The following ABHD2 variants were observed in gnomAD, a reference collection of about 807,000 sequenced individuals.
ABHD2 encodes monoacylglycerol lipase ABHD2.
Under a neutral mutation model 48.1 loss-of-function variants are expected in ABHD2, and 20 were observed. The observed-to-expected ratio is 0.42, with a 90% confidence interval of 0.29 to 0.60. The LOEUF is 0.60. Ranked by LOEUF, ABHD2 falls within the 20% of genes least tolerant of loss-of-function variation. The pLI is 0.24. For missense variants in ABHD2, 405 were observed against 550.9 expected (o/e 0.74, Z 2.65); for synonymous variants, 209 against 214.2 (o/e 0.98, Z 0.21).
chr15:89,108,342 T>C (rs1372842352), intron 1 of ABHD2, among the ~76,000 whole-genome samples: 3 of 152,214 alleles, frequency 2.0e-5, no homozygotes, highest in Non-Finnish European at 4.4e-5. Context: ...GGCTCCAGTC[T>C]CCACTTCCAT....
chr15:89,190,963 ACTCTACCAATGC>A, intron 8 of ABHD2, 105 bp from the exon 9 acceptor site: 2 of 923,154 alleles, frequency 2.2e-6, no homozygotes, highest in Non-Finnish European at 3.3e-6. Flanking sequence ...GCCTCTGTCT[ACTCTACCAATGC>A]CACAAGTTAG....
Position 89,142,385 on chromosome 15 carries a change from A to T in ABHD2, c.195-9292A>T, listed in dbSNP as rs574930795. 4.6e-5 allele frequency among the ~76,000 whole-genome samples: 7 copies of T among 152,354 alleles called. No homozygotes were observed. The East Asian group carries it at 1.3e-3, about 29-fold the overall frequency. On this transcript the variant is annotated intron_variant, in intron 3 of 10. Coordinates refer to ENST00000352732, the MANE Select transcript of ABHD2 (RefSeq NM_152924.5). ...AACCACTGAGATTAGTACCTCAAAC[A>T]TCCTTGACTTCCTTTGTTAAAGAGC...
At position 89,176,516 on chromosome 15, in the gene ABHD2, C is replaced by A. The variant is rs1422626894; in HGVS notation, c.722+521C>A. Among the ~76,000 whole-genome samples the A allele has an allele frequency of 6.6e-6, 1 of 152,172 alleles. No homozygotes were observed. The highest frequency in any genetic ancestry group is 1.5e-5 in the Non-Finnish European group (1 of 68,034). ...CATCCCAGGCATCATCACAAAGGAGCTGATCTACTGGGTCAAGCTTTCTCC... is the reference window on the plus strand; with the variant it reads ...CATCCCAGGCATCATCACAAAGGAGATGATCTACTGGGTCAAGCTTTCTCC... On this transcript the variant is annotated intron_variant, in intron 6 of 10. Transcript: ENST00000352732. The surrounding 1 kb of genome is among the most constrained non-coding windows in gnomAD (Gnocchi z 4.5).
At chr15:89,098,660 G>C (rs2049652849) in intron 1 of ABHD2, among the ~76,000 whole-genome samples, 1 of 152,220 alleles carries the variant, frequency 6.6e-6, no homozygotes, top group Non-Finnish European at 1.5e-5. Flanking sequence ...GTTGACAAAT[G>C]TACCCTTCTA....
the ABHD2 span, among the ~76,000 whole-genome samples, chr15:89,068,859 C>T: frequency 9.9e-5 from 14 of 141,750 alleles, no homozygotes; most frequent in South Asian, 4.6e-4. Context: ...ACCTCCACCT[C>T]CCGGGTTCAA....
chr15:89,055,260 C>CT, the ABHD2 span, among the ~76,000 whole-genome samples: 1 of 150,446 alleles, frequency 6.6e-6, no homozygotes, highest in African/African-American at 2.4e-5. Context: ...TTTAAAGTGT[C>CT]TATCTTTTGA....
At chr15:89,044,932 G>C in the ABHD2 span, among the ~76,000 whole-genome samples, 2 of 150,344 alleles carry the variant, frequency 1.3e-5, no homozygotes, top group Admixed American at 6.6e-5. Flanking sequence ...GTCAATTTTG[G>C]CTTTTGTTGC....
chr15:89,069,996 T>G, the ABHD2 span: 59,268 of 151,838 alleles, frequency 0.39, 12,381 homozygotes, highest in African/African-American at 0.53. Flanking sequence ...TCTTGTATCA[T>G]GAAGAAAGGG....
chr15:89,158,663 A>G (rs1226644513), intron 5 of ABHD2, among the ~76,000 whole-genome samples: 1 of 152,078 alleles, frequency 6.6e-6, no homozygotes, highest in Admixed American at 6.5e-5. Context: ...TAGGCAGTTG[A>G]TTACATATAG....
At chr15:89,143,449 C>T (rs1028823838) in intron 3 of ABHD2, among the ~76,000 whole-genome samples, 10 of 152,282 alleles carry the variant, frequency 6.6e-5, no homozygotes, top group Non-Finnish European at 1.5e-4. Flanking sequence ...GGGTGGATCA[C>T]CTGAGGTCGG....
the ABHD2 span, among the ~76,000 whole-genome samples, chr15:89,070,560 A>C: frequency 1.3e-5 from 2 of 152,178 alleles, no homozygotes; most frequent in Non-Finnish European, 2.9e-5. Flanking sequence ...CCATGGGCCA[A>C]AGAAGAACAG....
chr15:89,112,934 C>T (rs969241065), intron 1 of ABHD2, among the ~76,000 whole-genome samples: 1 of 152,218 alleles, frequency 6.6e-6, no homozygotes, highest in African/African-American at 2.4e-5. Flanking sequence ...GCATCTACCT[C>T]ATAGGGTACA....
rs960181519 is a variant in ABHD2 at position 89,174,491 on chromosome 15, G to A, written c.539-1321G>A. Among the ~76,000 whole-genome samples the A allele has an allele frequency of 1.3e-5, 2 of 152,250 alleles. No individual in the cohort carries two copies. The highest frequency in any genetic ancestry group is 6.5e-5 in the Admixed American group (1 of 15,286). ...CTTAAGAACTGCATGGGGCTGTGCC[G>A]GCCTGGCTTAGGCTACATCCTACCA... On this transcript the variant is annotated intron_variant, in intron 5 of 10. Transcript: ENST00000352732. This position sits in a 1 kb window ranked among gnomAD's most constrained non-coding sequence, Gnocchi z 4.1.
intron 6 of ABHD2, chr15:89,183,387 ATATATATATATATAT>A (rs2051153025): frequency 6.6e-5 from 5 of 76,182 alleles, no homozygotes; most frequent in Admixed American, 2.2e-4. Context: ...AAAAAAAAAT[ATATATATATATATAT>A]ATATATATAT....
rs2050502618 is a variant in ABHD2 at position 89,146,953 on chromosome 15, G to GCTT, written c.195-4722_195-4721insTCT. On this transcript the variant is annotated intron_variant, in intron 3 of 10. Coordinates refer to ENST00000352732, the MANE Select transcript of ABHD2 (RefSeq NM_152924.5). This position sits in a 1 kb window ranked among gnomAD's most constrained non-coding sequence, Gnocchi z 4.2. ...CTATAATTAATCTGGAAAATAAAAT[G>GCTT]CTGAAATCTGCCAAGAAAATTTTGA... Among the ~76,000 whole-genome samples the GCTT allele has an allele frequency of 2.0e-5, 3 of 152,154 alleles. No individual in the cohort carries two copies. The South Asian group carries it at 6.2e-4, about 32-fold the overall frequency.
At position 89,100,342 on chromosome 15, in the gene ABHD2, A is replaced by G. The variant is rs28535119; in HGVS notation, c.-107+11779A>G. Among the ~76,000 whole-genome samples the G allele has an allele frequency of 0.064, 9,710 of 150,890 alleles. 1,008 individuals carry two copies. The highest frequency in any genetic ancestry group is 0.22 in the African/African-American group (8,991 of 40,916). ...ACTCTGTCACCCAGGCTGGAGTGCA[A>G]TAGTGCGATCATAGCTCACTGTAGC... On this transcript the variant is annotated intron_variant, in intron 1 of 10. Coordinates refer to ENST00000352732, the MANE Select transcript of ABHD2 (RefSeq NM_152924.5). The surrounding 1 kb of genome is among the most constrained non-coding windows in gnomAD (Gnocchi z 4.4).
Position 89,200,527 on chromosome 15 carries a change from G to A in ABHD2, c.*5104G>A, listed in dbSNP as rs974508232. 1 of 152,336 alleles carries A rather than the reference G, an allele frequency of 6.6e-6. No individual in the cohort carries two copies. Among genetic ancestry groups the A allele is most frequent in the African/African-American group, 2.4e-5 (1 of 41,406 alleles). 9.4% of individuals were successfully genotyped at this position (152,336 alleles called of 1,614,324 possible). On this transcript the variant is annotated 3_prime_UTR_variant, in exon 11 of 11. Transcript: ENST00000352732. The stretch of plus-strand genomic sequence containing the variant: ...AACAATTCTTTATGAATTTGATAAA[G>A]GACTGAAGTGCAACTGAAAGCTGCT...
the ABHD2 span, among the ~76,000 whole-genome samples, chr15:89,051,861 A>G: frequency 6.6e-6 from 1 of 152,160 alleles, no homozygotes; most frequent in Non-Finnish European, 1.5e-5. Flanking sequence ...GTGAGAACAA[A>G]CTAATAGAGG....
chr15:89,065,711 T>C, the ABHD2 span, among the ~76,000 whole-genome samples: 5 of 152,184 alleles, frequency 3.3e-5, no homozygotes, highest in Non-Finnish European at 7.3e-5. Context: ...CCTCCTTATG[T>C]CTATACAGAC....
Sources: allele counts gnomAD v4.1 joint callset (sites outside exome capture counted in the v4.1 genomes callset), GRCh38; gene constraint gnomAD v4.1.1; non-coding constraint Gnocchi (gnomAD v3.1); transcripts MANE v1.5; gene names NCBI Gene and HGNC (gene_info 2026-07-23, HGNC 2026-07-21).